Variants in MAPK10 observed in about 807,000 individuals in gnomAD.
MAPK10 encodes mitogen-activated protein kinase 10, also known as JNK3 alpha protein kinase.
Under a neutral mutation model 59.3 loss-of-function variants are expected in MAPK10, and 25 were observed. That is an observed-to-expected ratio of 0.42 (90% CI 0.31 to 0.59). MAPK10 has a LOEUF of 0.59. Ranked by LOEUF, MAPK10 falls within the 20% of genes least tolerant of loss-of-function variation. The pLI is 0.15. For synonymous variants in MAPK10, 190 were observed against 200.5 expected (o/e 0.95, Z 0.44); for missense variants, 351 against 568.9 (o/e 0.62, Z 3.90).
At chr4:86,230,199 C>A (rs902206860) in intron 2 of MAPK10, among the ~76,000 whole-genome samples, 3 of 152,060 alleles carry the variant, frequency 2.0e-5, no homozygotes, top group African/African-American at 7.2e-5. Context: ...TAAATATATA[C>A]AATTTGATTG....
chr4:86,240,925 T>C (rs1481077755), intron 2 of MAPK10, among the ~76,000 whole-genome samples: 3 of 152,212 alleles, frequency 2.0e-5, no homozygotes, highest in Non-Finnish European at 4.4e-5. Context: ...AGTTTCTTCA[T>C]AGTGTCATTG....
At position 86,359,833 on chromosome 4, in the gene MAPK10, T is replaced by C. The variant is rs1481187292; in HGVS notation, c.-297A>G. On this transcript the variant is annotated 5_prime_UTR_variant, in exon 1 of 14. Coordinates refer to ENST00000641462, the MANE Select transcript of MAPK10 (RefSeq NM_138982.4). ...TTTCCAAGAAAACCCAATCTTAAAC[T>C]CACTCAAGCCCCTAGGAATTGAGGG... The C allele has an allele frequency of 6.1e-6, 6 of 985,276 alleles. No homozygotes were observed. The highest frequency in any genetic ancestry group is 7.2e-6 in the Non-Finnish European group (6 of 829,868). 61.0% of individuals were successfully genotyped at this position (985,276 alleles called of 1,614,324 possible).
chr4:86,339,157 T>A lies in MAPK10; in HGVS notation c.-7+15373A>T, dbSNP rs147899220. 8.8e-3 allele frequency among the ~76,000 whole-genome samples: 1,332 copies of A among 152,090 alleles called. 16 individuals carry two copies. Among genetic ancestry groups the A allele is most frequent in the African/African-American group, 0.03 (1,247 of 41,474 alleles). ...GTACAACAAGAGGTCATCCCAAATA[T>A]CACCAGGGACATTCAGGGTCTAAAG... On this transcript the variant is annotated intron_variant, in intron 2 of 13. Coordinates refer to ENST00000641462, the MANE Select transcript of MAPK10 (RefSeq NM_138982.4).
At chr4:86,139,663 A>C (rs1205948772) in intron 4 of MAPK10, among the ~76,000 whole-genome samples, 2 of 152,214 alleles carry the variant, frequency 1.3e-5, no homozygotes, top group Non-Finnish European at 2.9e-5. Flanking sequence ...CAATGGCAAC[A>C]AAAGACAAAA....
chr4:86,229,858 C>T (rs796714491), intron 2 of MAPK10, among the ~76,000 whole-genome samples: 6 of 152,092 alleles, frequency 3.9e-5, no homozygotes, highest in African/African-American at 1.4e-4. Context: ...GAGTTCAATA[C>T]CAGCCTGGGC....
chr4:86,374,760 AG>A (rs1739506959), intron 1 of MAPK10, among the ~76,000 whole-genome samples: 1 of 152,222 alleles, frequency 6.6e-6, no homozygotes, highest in Non-Finnish European at 1.5e-5. Context: ...ACAAATTCTG[AG>A]TTTCTTCAAA....
At chr4:86,156,230 T>A (rs761208355) in intron 4 of MAPK10, among the ~76,000 whole-genome samples, 1 of 152,088 alleles carries the variant, frequency 6.6e-6, no homozygotes, top group Non-Finnish European at 1.5e-5. Flanking sequence ...CTTATAACTA[T>A]GATTATTTCA....
At chr4:86,102,331 C>A in intron 6 of MAPK10, 1 of 257,834 alleles carries the variant, frequency 3.9e-6, no homozygotes, top group Non-Finnish European at 7.4e-6. Context: ...ATTATAATTT[C>A]AAATAAGAAA....
chr4:86,464,173 G>A (rs1017042386), intron 1 of MAPK10, among the ~76,000 whole-genome samples: 6 of 152,086 alleles, frequency 3.9e-5, no homozygotes, highest in East Asian at 1.9e-4. Context: ...GGGTATTCTC[G>A]ATAACCATTT....
intron 1 of MAPK10, among the ~76,000 whole-genome samples, chr4:86,526,442 T>C (rs748279983): frequency 6.6e-6 from 1 of 152,234 alleles, no homozygotes; most frequent in Non-Finnish European, 1.5e-5. Context: ...CTGATCATGC[T>C]TATTTGAACC....
intron 1 of MAPK10, among the ~76,000 whole-genome samples, chr4:86,568,904 C>G (rs557569427): frequency 8.5e-4 from 128 of 151,104 alleles, no homozygotes; most frequent in African/African-American, 2.6e-3. Flanking sequence ...TATGACTAAG[C>G]CTTCAAAAAA....
intron 1 of MAPK10, chr4:86,357,985 G>T: frequency 4.1e-6 from 3 of 740,060 alleles, no homozygotes; most frequent in Non-Finnish European, 3.3e-6. Flanking sequence ...TTGTAGGGGA[G>T]AGAAAACCCA....
chr4:86,210,695 CA>C (rs925442971), intron 2 of MAPK10, among the ~76,000 whole-genome samples: 24 of 149,172 alleles, frequency 1.6e-4, no homozygotes, highest in African/African-American at 2.7e-4. Flanking sequence ...ACAAGTCATA[CA>C]AAAAAAAGGG....
intron 2 of MAPK10, among the ~76,000 whole-genome samples, chr4:86,347,357 C>T (rs1203096592): frequency 1.3e-5 from 2 of 152,086 alleles, no homozygotes; most frequent in East Asian, 3.8e-4. Flanking sequence ...TTTGCAGATG[C>T]TTACTCAGTC....
At chr4:86,018,042 C>T (rs1003114594) in intron 13 of MAPK10, among the ~76,000 whole-genome samples, 6 of 152,312 alleles carry the variant, frequency 3.9e-5, no homozygotes, top group Non-Finnish European at 7.4e-5. Context: ...TTTTTAAAAG[C>T]TCCTCAGAGA....
chr4:86,122,252 T>A lies in MAPK10; in HGVS notation c.237-14900A>T, dbSNP rs889215859. Among the ~76,000 whole-genome samples the A allele has an allele frequency of 2.0e-5, 3 of 152,188 alleles. No individual in the cohort carries two copies. In the East Asian group the frequency reaches 5.8e-4, roughly 29 times the overall value. On this transcript the variant is annotated intron_variant, in intron 4 of 13. Transcript: ENST00000641462. ...TCTGGTGAAGTTTCCCAGGCATTTA[T>A]CTGCTAATGCTTTGGCTAACTATCT...
intron 1 of MAPK10, among the ~76,000 whole-genome samples, chr4:86,498,932 T>C (rs1378632555): frequency 6.6e-6 from 1 of 152,226 alleles, no homozygotes; most frequent in Non-Finnish European, 1.5e-5. Flanking sequence ...AAACATGCAC[T>C]GTTTCAGACT....
intron 2 of MAPK10, chr4:86,327,785 C>CAAAAAAAAAAAAAAAAAAAAAAAAAAAA: frequency 2.9e-5 from 2 of 68,930 alleles, no homozygotes; most frequent in Non-Finnish European, 2.5e-5. Context: ...ACTAAAAATA[C>CAAAAAAAAAAAAAAAAAAAAAAAAAAAA]AAAAAAAAAA....
chr4:86,358,525 T>C (rs1024560492), intron 1 of MAPK10: 4 of 213,554 alleles, frequency 1.9e-5, no homozygotes, highest in East Asian at 1.8e-4. Flanking sequence ...AGGCAGCCCA[T>C]GTAAACAACC....
Sources: allele counts gnomAD v4.1 joint callset (sites outside exome capture counted in the v4.1 genomes callset), GRCh38; gene constraint gnomAD v4.1.1; transcripts MANE v1.5; gene names NCBI Gene and HGNC (gene_info 2026-07-23, HGNC 2026-07-21).